KALRN: variants seen among roughly 807,000 people sequenced by gnomAD.
KALRN encodes kalirin RhoGEF kinase, also known as kalirin.
In KALRN, 70 loss-of-function variants were observed where a neutral mutation model predicts 353.7. That is an observed-to-expected ratio of 0.20 (90% CI 0.16 to 0.24). KALRN has a LOEUF of 0.24. Ranked by LOEUF, KALRN falls within the 10% of genes least tolerant of loss-of-function variation. The pLI is 1.00. For missense variants in KALRN, 2,791 were observed against 3,756.7 expected (o/e 0.74, Z 6.72); for synonymous variants, 1,391 against 1,434.8 (o/e 0.97, Z 0.69).
intron 8 of KALRN, among the ~76,000 whole-genome samples, chr3:124,330,246 TCACACACACACACACACA>T (rs774251256): frequency 1.2e-4 from 16 of 134,308 alleles, no homozygotes; most frequent in Admixed American, 2.3e-4. Flanking sequence ...TCTCTCTCTC[TCACACACACACACACACA>T]CACACACACA....
chr3:124,052,246 A>G (rs542708650), intron 1 of KALRN, among the ~76,000 whole-genome samples: 10 of 152,218 alleles, frequency 6.6e-5, no homozygotes, highest in Non-Finnish European at 1.0e-4. Flanking sequence ...TCATCCTGAC[A>G]GTCAGCAAAT....
chr3:124,712,235 A>G (rs1250498468), intron 57 of KALRN, among the ~76,000 whole-genome samples: 1 of 152,238 alleles, frequency 6.6e-6, no homozygotes, highest in Non-Finnish European at 1.5e-5. Flanking sequence ...CAATGGCTTT[A>G]CAGTCTGGCT....
intron 33 of KALRN, among the ~76,000 whole-genome samples, chr3:124,552,458 G>A (rs2070665510): frequency 6.6e-6 from 1 of 152,198 alleles, no homozygotes; most frequent in Non-Finnish European, 1.5e-5. Context: ...TTCTATGTGT[G>A]ACTGGATACC....
intron 14 of KALRN, among the ~76,000 whole-genome samples, chr3:124,422,244 A>C (rs1204099076): frequency 6.6e-6 from 1 of 152,188 alleles, no homozygotes; most frequent in Non-Finnish European, 1.5e-5. Context: ...AGAGGGCCTA[A>C]GTAGTTGGCT....
intron 25 of KALRN, among the ~76,000 whole-genome samples, chr3:124,467,681 G>C (rs1175032345): frequency 6.6e-6 from 1 of 152,152 alleles, no homozygotes; most frequent in African/African-American, 2.4e-5. Flanking sequence ...GCAGAGAGAG[G>C]TCTCATTGTC....
intron 33 of KALRN, among the ~76,000 whole-genome samples, chr3:124,507,692 G>A (rs750770902): frequency 1.4e-4 from 21 of 152,140 alleles, no homozygotes; most frequent in Non-Finnish European, 2.6e-4. Flanking sequence ...ATGATAGGGT[G>A]GCTATATACA....
intron 36 of KALRN, among the ~76,000 whole-genome samples, chr3:124,635,071 T>G (rs1578519187): frequency 6.6e-6 from 1 of 152,190 alleles, no homozygotes; most frequent in South Asian, 2.1e-4. Flanking sequence ...CCCCATGATG[T>G]GACTCACCTA....
chr3:124,129,958 A>G (rs758984042), intron 1 of KALRN, among the ~76,000 whole-genome samples: 2 of 152,256 alleles, frequency 1.3e-5, no homozygotes, highest in East Asian at 1.9e-4. Flanking sequence ...TAGCTCGGTA[A>G]CAGAATATGT....
At chr3:124,509,268 G>C (rs2065599751) in intron 33 of KALRN, among the ~76,000 whole-genome samples, 1 of 152,076 alleles carries the variant, frequency 6.6e-6, no homozygotes, top group Admixed American at 6.6e-5. Context: ...AAGTGCAGTG[G>C]TACAATCTCA....
intron 11 of KALRN, among the ~76,000 whole-genome samples, chr3:124,393,967 C>T (rs2089831615): frequency 1.3e-5 from 2 of 152,034 alleles, no homozygotes; most frequent in Admixed American, 1.3e-4. Flanking sequence ...TGTAATTTAC[C>T]ATACTGAGAA....
intron 33 of KALRN, among the ~76,000 whole-genome samples, chr3:124,535,874 T>C (rs1159913985): frequency 6.6e-6 from 1 of 152,338 alleles, no homozygotes; most frequent in Middle Eastern, 3.4e-3. Context: ...CGGCTCCTTC[T>C]AACTGATTCC....
intron 14 of KALRN, among the ~76,000 whole-genome samples, chr3:124,416,255 A>G (rs957058053): frequency 2.0e-5 from 3 of 152,238 alleles, no homozygotes; most frequent in African/African-American, 7.2e-5. Flanking sequence ...GGGCAAGCCA[A>G]CGTCTGTCCC....
chr3:124,274,760 AT>A lies in KALRN; in HGVS notation c.969+5515del, dbSNP rs145853270. On this transcript the variant is annotated intron_variant, in intron 5 of 59. Transcript: ENST00000682506. The stretch of plus-strand genomic sequence containing the variant: ...CATCTAGCCCAAATGAGAATCTCTC[AT>A]TTTTTTTTTAGGTGTTCAGCAGAGA... Among the ~76,000 whole-genome samples, 724 of 150,014 alleles carry A rather than the reference AT, an allele frequency of 4.8e-3. 4 individuals are homozygous for A. Among genetic ancestry groups the A allele is most frequent in the Non-Finnish European group, 8.3e-3 (555 of 67,272 alleles).
intron 28 of KALRN, among the ~76,000 whole-genome samples, chr3:124,487,677 A>G (rs2062710246): frequency 6.6e-6 from 1 of 152,238 alleles, no homozygotes. Flanking sequence ...TCATAAGCCT[A>G]TTAAGTCTCC....
At chr3:124,095,408 C>T (rs928944855) in intron 1 of KALRN, among the ~76,000 whole-genome samples, 3 of 152,298 alleles carry the variant, frequency 2.0e-5, no homozygotes, top group Admixed American at 1.3e-4. Context: ...GCTGAGGTTG[C>T]TCTGGAGCTA....
rs181285080 is a variant in KALRN at position 124,472,567 on chromosome 3, G to T, written c.4032-2096G>T. ...TTTTTAATTTTAAATTAAAATGTGT[G>T]TGTGTATATGTGTGTGTGTGTGTGT... On this transcript the variant is annotated intron_variant, in intron 25 of 59. Coordinates refer to ENST00000682506, the MANE Select transcript of KALRN (RefSeq NM_001388419.1). Among the ~76,000 whole-genome samples the T allele has an allele frequency of 3.3e-4, 37 of 111,312 alleles. 1 individual carries two copies. In the South Asian group the frequency reaches 8.3e-3, roughly 25 times the overall value. 73.0% of individuals were successfully genotyped at this position (111,312 alleles called of 152,430 possible). A position where few individuals can be genotyped will look rare whatever the true frequency, so the allele number is the denominator to read the frequency against.
chr3:124,310,005 A>G (rs540566799), intron 6 of KALRN, among the ~76,000 whole-genome samples: 606 of 152,336 alleles, frequency 4.0e-3, no homozygotes, highest in Non-Finnish European at 6.3e-3. Flanking sequence ...ACAAGCATGT[A>G]TATGAAAAAT....
At chr3:124,621,750 G>C (rs2079294808) in intron 34 of KALRN, among the ~76,000 whole-genome samples, 1 of 152,378 alleles carries the variant, frequency 6.6e-6, no homozygotes, top group Non-Finnish European at 1.5e-5. Context: ...AGCCGTGCCA[G>C]AACCTGGCCG....
chr3:124,609,392 G>C (rs1442225424), intron 34 of KALRN, among the ~76,000 whole-genome samples: 1 of 152,168 alleles, frequency 6.6e-6, no homozygotes, highest in Non-Finnish European at 1.5e-5. Flanking sequence ...TAGTTTGGGG[G>C]TCTCTGACCT....
Sources: gnomAD v4.1 joint callset for allele counts (sites outside exome capture counted in the v4.1 genomes callset) on GRCh38, gnomAD v4.1.1 for gene constraint, MANE v1.5 for transcripts, NCBI Gene and HGNC (gene_info 2026-07-23, HGNC 2026-07-21) for gene names.